Variants in KIAA0319L observed in about 807,000 individuals in gnomAD.
The protein encoded by KIAA0319L is KIAA0319 like, also known as dyslexia-associated protein KIAA0319-like protein.
A neutral mutation model predicts 120.1 loss-of-function variants in KIAA0319L; 55 were observed. The observed-to-expected ratio is 0.46, with a 90% CI of 0.37 to 0.57. KIAA0319L has a LOEUF of 0.57. KIAA0319L is among the 20% of genes least tolerant of loss of function. The pLI is 0.00. For synonymous variants in KIAA0319L, 398 were observed against 471.9 expected, an observed-to-expected ratio of 0.84 and a Z score of 2.03; for missense variants, 1,049 against 1,255.3, an observed-to-expected ratio of 0.84 and a Z score of 2.48.
intron 9 of KIAA0319L, among the ~76,000 whole-genome samples, chr1:35,457,150 T>C (rs1456463571): frequency 6.6e-6 from 1 of 152,148 alleles, no homozygotes; most frequent in African/African-American, 2.4e-5. Context: ...TCCAGTTTTA[T>C]AAGAGGCTTA....
chr1:35,478,707 T>G (rs916367865), intron 4 of KIAA0319L, among the ~76,000 whole-genome samples: 1 of 152,234 alleles, frequency 6.6e-6, no homozygotes, highest in African/African-American at 2.4e-5. Flanking sequence ...AACATTATAC[T>G]TAATTGAATC....
intron 20 of KIAA0319L, among the ~76,000 whole-genome samples, chr1:35,436,278 G>A (rs1319770456): frequency 6.6e-6 from 1 of 152,214 alleles, no homozygotes; most frequent in Non-Finnish European, 1.5e-5. Flanking sequence ...GACCACATGC[G>A]CCCAAGGACC....
chr1:35,499,423 T>C (rs1460167971), intron 3 of KIAA0319L, among the ~76,000 whole-genome samples: 1 of 152,138 alleles, frequency 6.6e-6, no homozygotes. Flanking sequence ...ATAGCTAGAA[T>C]GCAGTGTCTA....
intron 9 of KIAA0319L, among the ~76,000 whole-genome samples, chr1:35,459,101 C>T (rs1464831212): frequency 3.3e-5 from 5 of 152,028 alleles, no homozygotes; most frequent in Non-Finnish European, 5.9e-5. Context: ...ATGGTAAATG[C>T]CACATAGAGG....
At chr1:35,502,333 T>C (rs1048125006) in intron 3 of KIAA0319L, among the ~76,000 whole-genome samples, 31 of 151,084 alleles carry the variant, frequency 2.1e-4, no homozygotes, top group African/African-American at 7.5e-4. Flanking sequence ...CAAGATTTGC[T>C]GTATAGATTA....
intron 19 of KIAA0319L, 92 bp downstream of exon 19, chr1:35,442,154 A>G: frequency 1.1e-6 from 1 of 928,466 alleles, no homozygotes; most frequent in Admixed American, 1.7e-5. Context: ...GACCCAGCCC[A>G]GTCCTTCCAC....
chr1:35,527,678 T>C (rs1646202966), intron 2 of KIAA0319L, among the ~76,000 whole-genome samples: 1 of 152,178 alleles, frequency 6.6e-6, no homozygotes, highest in African/African-American at 2.4e-5. Flanking sequence ...GTTTTCCTGT[T>C]TGTTCATGTA....
intron 2 of KIAA0319L, among the ~76,000 whole-genome samples, chr1:35,513,289 T>TATATATA (rs1491413167): frequency 9.1e-4 from 64 of 70,578 alleles, no homozygotes; most frequent in African/African-American, 2.7e-3. Flanking sequence ...TATATATATA[T>TATATATA]TTTTTTTTTT....
chr1:35,543,570 G>C (rs1646872479), intron 2 of KIAA0319L, among the ~76,000 whole-genome samples: 1 of 152,176 alleles, frequency 6.6e-6, no homozygotes, highest in South Asian at 2.1e-4. Context: ...TTCTCTTAAA[G>C]GAAAAAGACA....
At chr1:35,496,273 A>C (rs1215967582) in intron 3 of KIAA0319L, among the ~76,000 whole-genome samples, 2 of 152,022 alleles carry the variant, frequency 1.3e-5, no homozygotes, top group Non-Finnish European at 2.9e-5. Flanking sequence ...TACAAAAATT[A>C]GCCGGGGATG....
chr1:35,484,806 A>ATATATATATATATATATTTT, intron 3 of KIAA0319L, among the ~76,000 whole-genome samples: 1 of 86,264 alleles, frequency 1.2e-5, no homozygotes, highest in Non-Finnish European at 2.2e-5. Context: ...ATATATATAT[A>ATATATATATATATATATTTT]TTTTTTTTTT....
Position 35,506,763 on chromosome 1 carries a change from G to A in KIAA0319L, c.515C>T (p.Pro172Leu), listed in dbSNP as rs1342431523. The A allele has an allele frequency of 6.2e-7, 1 of 1,614,182 alleles. No homozygotes were observed. Among genetic ancestry groups the A allele is most frequent in the South Asian group, 1.1e-5 (1 of 91,078 alleles). ...RQSPPRAALR[P>L]AVSSSDQQSL... ...CTGCTGGTCACTGGAAGATACAGCA[G>A]GTCTGAGTGCAGCTCTGGGTGGGCT... The change falls in exon 3 of 21, where the codon CCT becomes CTT. Residue 172 changes from proline to leucine, a missense_variant. Pro to Leu is a moderately conservative substitution (Grantham distance 98, BLOSUM62 -3). Transcript: ENST00000325722. The surrounding 1 kb of genome is among the most constrained non-coding windows in gnomAD (Gnocchi z 4.0).
Position 35,454,368 on chromosome 1 carries a change from G to A in KIAA0319L, c.1774C>T (p.Gln592Ter), listed in dbSNP as rs149346339. 5.0e-6 allele frequency: 8 copies of A among 1,613,830 alleles called. No individual in the cohort carries two copies. Among genetic ancestry groups the A allele is most frequent in the Non-Finnish European group, 6.8e-6 (8 of 1,179,866 alleles). Residue 592 changes from glutamine to a stop codon, truncating the protein, a stop_gained, in exon 11 of 21, where the codon CAA becomes TAA. Coordinates refer to ENST00000325722, the MANE Select transcript of KIAA0319L (RefSeq NM_024874.5). LOFTEE classifies it high-confidence loss of function. ...CCACAAGGCTGGAGCTTACCAGGTTGCACAATAACAGTCACTTGAGCAGTG... is the reference window on the plus strand; with the variant it reads ...CCACAAGGCTGGAGCTTACCAGGTTACACAATAACAGTCACTTGAGCAGTG... ...QATAQVTVIVQPENNKPPQAD... is the reference protein window; with the variant it reads ...QATAQVTVIV
intron 2 of KIAA0319L, among the ~76,000 whole-genome samples, chr1:35,532,632 TA>T (rs1342737315): frequency 6.6e-6 from 1 of 152,146 alleles, no homozygotes; most frequent in Non-Finnish European, 1.5e-5. Flanking sequence ...GTAACTGGGA[TA>T]AAAGGTAAGA....
In KIAA0319L at chr1:35,506,717, C is replaced by T. The variant is rs1474148495; in HGVS notation, c.561G>A (p.Gln187=). 6.2e-7 allele frequency: 1 copy of T among 1,614,236 alleles called. No individual in the cohort carries two copies. The highest frequency in any genetic ancestry group is 8.5e-7 in the Non-Finnish European group (1 of 1,180,042). ...SDQQSLIRKL[Q]KRGSPSDVVT... ...CTACGTCACTGGGACTACCTCTCTT[C>T]TGAAGCTTCCTGATTAAGCTCTGCT... Residue 187 remains glutamine, a synonymous_variant, in exon 3 of 21, where the codon CAG becomes CAA. Transcript: ENST00000325722. The surrounding 1 kb of genome is among the most constrained non-coding windows in gnomAD (Gnocchi z 4.0).
chr1:35,546,169 A>G (rs1263843745), intron 2 of KIAA0319L, among the ~76,000 whole-genome samples: 1 of 152,166 alleles, frequency 6.6e-6, no homozygotes, highest in African/African-American at 2.4e-5. Context: ...CAGGGAGACC[A>G]CAAGTGGGAC....
intron 3 of KIAA0319L, among the ~76,000 whole-genome samples, chr1:35,505,814 T>C (rs1645185187): frequency 6.6e-6 from 1 of 152,208 alleles, no homozygotes; most frequent in South Asian, 2.1e-4. Context: ...GGGCTAATAA[T>C]GCCTACTTGG....
chr1:35,436,471 G>A (rs1338034680), intron 20 of KIAA0319L, among the ~76,000 whole-genome samples: 1 of 152,166 alleles, frequency 6.6e-6, no homozygotes, highest in Non-Finnish European at 1.5e-5. Flanking sequence ...CCAGTGTGGT[G>A]GGGACAGTGG....
At chr1:35,487,545 C>T (rs1406535952) in intron 3 of KIAA0319L, among the ~76,000 whole-genome samples, 4 of 152,214 alleles carry the variant, frequency 2.6e-5, no homozygotes, top group Non-Finnish European at 1.5e-5. Context: ...CACGCCCAGC[C>T]TGGCCACTAC....
Sources: gnomAD v4.1 joint callset for allele counts (sites outside exome capture counted in the v4.1 genomes callset) on GRCh38, gnomAD v4.1.1 for gene constraint, Gnocchi (gnomAD v3.1) non-coding constraint, MANE v1.5 for transcripts, NCBI Gene and HGNC (gene_info 2026-07-23, HGNC 2026-07-21) for gene names.